AKAP9: variants seen among roughly 807,000 people sequenced by gnomAD.
AKAP9 encodes the protein A-kinase anchoring protein 9, also known as A-kinase anchor protein 9.
AKAP9 carries 311 observed loss-of-function variants against 488.5 expected under a neutral mutation model. That is an observed-to-expected ratio of 0.64 (90% CI 0.58 to 0.70). AKAP9 has a LOEUF of 0.70. Ranked by LOEUF, AKAP9 falls within the 30% of genes least tolerant of loss-of-function variation. AKAP9 has a pLI of 0.00. For synonymous variants in AKAP9, 1,462 were observed against 1,483.5 expected, an observed-to-expected ratio of 0.99 and a Z score of 0.33; for missense variants, 4,215 against 4,374.5, an observed-to-expected ratio of 0.96 and a Z score of 1.03.
chr7:92,089,642 TC>T (rs755718569), intron 38 of AKAP9, 113 bp downstream of exon 38: 2 of 1,178,688 alleles, frequency 1.7e-6, no homozygotes, highest in South Asian at 2.7e-5. Flanking sequence ...CATTTTCTTC[TC>T]ATTCTCATAA....
rs1309988427 is a variant in AKAP9, at chr7:92,002,551, A to G, written c.2634A>G (p.Leu878=). The change falls in exon 8 of 50, where the codon TTA becomes TTG. Residue 878 remains leucine, a synonymous_variant. Transcript: ENST00000356239. ...YACLLKVKDD[L]EDSKNKQELE... Reference sequence around the variant, plus strand: ...GCCTTCTCAAAGTAAAAGATGATTTAGAAGACAGTAAAAATAAACAGGAAT... The same window carrying G: ...GCCTTCTCAAAGTAAAAGATGATTTGGAAGACAGTAAAAATAAACAGGAAT... 6.2e-7 allele frequency: 1 copy of G among 1,610,026 alleles called. No homozygotes were observed.
At chr7:92,080,263 T>A (rs1813289314) in intron 31 of AKAP9, 111 bp downstream of exon 31, 3 of 927,198 alleles carry the variant, frequency 3.2e-6, no homozygotes, top group Non-Finnish European at 4.7e-6. Context: ...ACAAGAAGGT[T>A]TTTATAAAAA....
chr7:92,062,654 A>G (rs897631631), intron 24 of AKAP9, among the ~76,000 whole-genome samples, 168 bp downstream of exon 24: 2 of 152,148 alleles, frequency 1.3e-5, no homozygotes, highest in South Asian at 2.1e-4. Context: ...TTATTAGCCA[A>G]TCATGTGGAA....
At chr7:91,953,891 A>T (rs1792605473) in intron 1 of AKAP9, among the ~76,000 whole-genome samples, 1 of 149,468 alleles carries the variant, frequency 6.7e-6, no homozygotes, top group African/African-American at 2.5e-5. Context: ...TGTTGTACAA[A>T]TGAAGTAGTA....
chr7:92,061,193 A>G, intron 22 of AKAP9, 67 bp from the exon 23 acceptor site: 2 of 1,566,652 alleles, frequency 1.3e-6, no homozygotes, highest in Non-Finnish European at 1.7e-6. Flanking sequence ...TTCCAGCTTT[A>G]ATAGGGAATG....
chr7:92,087,312 G>C (rs1814722621), intron 37 of AKAP9, among the ~76,000 whole-genome samples: 1 of 152,178 alleles, frequency 6.6e-6, no homozygotes, highest in African/African-American at 2.4e-5. Flanking sequence ...TTGGACATTT[G>C]AACTTTTCTG....
At chr7:91,956,217 G>A (rs1271399877) in intron 1 of AKAP9, among the ~76,000 whole-genome samples, 2 of 151,584 alleles carry the variant, frequency 1.3e-5, no homozygotes, top group African/African-American at 4.8e-5. Context: ...TGGCTAGCAC[G>A]GTGAAACCCC....
At position 92,089,469 on chromosome 7, in the gene AKAP9, CA is replaced by C; in HGVS notation, c.9301del (p.Met3101Ter). 6.2e-7 allele frequency: 1 copy of C among 1,613,138 alleles called. No homozygotes were observed. The highest frequency in any genetic ancestry group is 8.5e-7 in the Non-Finnish European group (1 of 1,179,712). ...ATCTGAAATTCAGGCACTGCATGCA[CA>C]AATGAATGGTAGGAAAATTACTCTG... ...LLSEIQALHA[Q>X]MNGRKITLKR... On this transcript the variant is annotated frameshift_variant, in exon 38 of 50. Coordinates refer to ENST00000356239, the MANE Select transcript of AKAP9 (RefSeq NM_005751.5). LOFTEE classifies it high-confidence loss of function.
At chr7:92,102,430 G>T (rs1419767612) in intron 45 of AKAP9, among the ~76,000 whole-genome samples, 164 bp from the exon 46 acceptor site, 1 of 147,080 alleles carries the variant, frequency 6.8e-6, no homozygotes, top group African/African-American at 2.5e-5. Flanking sequence ...ACAGTGATAG[G>T]AACCTGCCGT....
intron 1 of AKAP9, among the ~76,000 whole-genome samples, chr7:91,964,308 C>A (rs1240511630): frequency 6.6e-6 from 1 of 152,086 alleles, no homozygotes; most frequent in Non-Finnish European, 1.5e-5. Context: ...GATTATGCAG[C>A]AGTAATATAC....
intron 19 of AKAP9, 99 bp from the exon 20 acceptor site, chr7:92,042,569 A>G (rs1381759926): frequency 3.6e-6 from 3 of 843,824 alleles, no homozygotes; most frequent in East Asian, 5.0e-5. Flanking sequence ...AGAGGTTTCT[A>G]TTTTATCTCA....
chr7:91,975,160 G>GTTATT (rs1458957815), intron 2 of AKAP9, among the ~76,000 whole-genome samples: 2 of 152,002 alleles, frequency 1.3e-5, no homozygotes, highest in Admixed American at 6.6e-5. Context: ...CCTTGTTTTT[G>GTTATT]TTATTTTATT....
intron 46 of AKAP9, among the ~76,000 whole-genome samples, chr7:92,103,947 C>G (rs1818073070): frequency 6.6e-6 from 1 of 151,916 alleles, no homozygotes; most frequent in Non-Finnish European, 1.5e-5. Flanking sequence ...TGTTCTTTCT[C>G]TAGTAATTCC....
chr7:92,053,432 C>T (rs1441558950), intron 22 of AKAP9, among the ~76,000 whole-genome samples: 4 of 152,080 alleles, frequency 2.6e-5, no homozygotes, highest in Non-Finnish European at 5.9e-5. Context: ...GTCAGTGGTT[C>T]CAATAGGCTA....
At chr7:92,066,250 A>C (rs1452423227) in intron 25 of AKAP9, among the ~76,000 whole-genome samples, 177 bp from the exon 26 acceptor site, 2 of 152,212 alleles carry the variant, frequency 1.3e-5, no homozygotes, top group Non-Finnish European at 1.5e-5. Flanking sequence ...AATAGGCTAT[A>C]TGGCATATAA....
At chr7:92,063,384 A>C in intron 24 of AKAP9, 1 of 810,394 alleles carries the variant, frequency 1.2e-6, no homozygotes, top group Non-Finnish European at 1.5e-6. Flanking sequence ...CATGTGCATT[A>C]TCCCATTTTA....
At position 92,080,023 on chromosome 7, in the gene AKAP9, A is replaced by T. The variant is rs1211841696; in HGVS notation, c.7890A>T (p.Glu2630Asp). ...TGATTTTAGAAAAAGAACAAGTAGA[A>T]ATTGCAGAAAAAAATGTTTTAGAAA... ...TSLILEKEQV[E>D]IAEKNVLEKE... The change falls in exon 31 of 50, where the codon GAA (glutamate) becomes GAT (aspartate). Residue 2630 changes from glutamate to aspartate, a missense_variant. Glu to Asp is a conservative substitution (Grantham distance 45). Coordinates refer to ENST00000356239, the MANE Select transcript of AKAP9 (RefSeq NM_005751.5). 1.9e-6 allele frequency: 3 copies of T among 1,562,988 alleles called. No homozygotes were observed. The African/African-American group carries it at 4.2e-5, about 22-fold the overall frequency.
At chr7:91,986,156 G>C (rs1326067660) in intron 3 of AKAP9, among the ~76,000 whole-genome samples, 1 of 152,140 alleles carries the variant, frequency 6.6e-6, no homozygotes, top group Non-Finnish European at 1.5e-5. Flanking sequence ...TATGTGTCCA[G>C]GAATTCATCC....
At chr7:92,110,034 ATAAT>A (rs1354533959) in intron 49 of AKAP9, 84 bp from the exon 50 acceptor site, 1 of 1,002,010 alleles carries the variant, frequency 1.0e-6, no homozygotes, top group East Asian at 2.5e-5. Context: ...GAGAATAATA[ATAAT>A]TTCCTTTGTG....
Sources: allele counts gnomAD v4.1 joint callset (sites outside exome capture counted in the v4.1 genomes callset), GRCh38; gene constraint gnomAD v4.1.1; transcripts MANE v1.5; gene names NCBI Gene and HGNC (gene_info 2026-07-23, HGNC 2026-07-21).